The following SEH1L variants were observed in gnomAD, a reference collection of about 807,000 sequenced individuals.
The protein encoded by SEH1L is nucleoporin SEH1.
Under a neutral mutation model 49.5 loss-of-function variants are expected in SEH1L, and 18 were observed. That is an observed-to-expected ratio of 0.36 (90% CI 0.25 to 0.54). The LOEUF (loss-of-function observed/expected upper bound fraction) is 0.54. SEH1L is among the 20% of genes least tolerant of loss of function. The pLI is 0.87. For missense variants in SEH1L, 404 were observed against 528.8 expected, an observed-to-expected ratio of 0.76 and a Z score of 2.31; for synonymous variants, 169 against 178.1, an observed-to-expected ratio of 0.95 and a Z score of 0.41.
At chr18:12,969,083 G>A (rs1331874853) in intron 4 of SEH1L, among the ~76,000 whole-genome samples, 2 of 151,816 alleles carry the variant, frequency 1.3e-5, no homozygotes, top group Non-Finnish European at 2.9e-5. Flanking sequence ...GGTGGCACAT[G>A]CCTGTAATGC....
Position 12,978,900 on chromosome 18 carries a change from T to C in SEH1L, c.761+8T>C, listed in dbSNP as rs763906548. 7 of 1,612,558 alleles carry C rather than the reference T, an allele frequency of 4.3e-6. No individual in the cohort carries two copies. The South Asian group carries it at 7.7e-5, about 18-fold the overall frequency. Reference sequence around the variant, plus strand: ...TACATTAAAGCCTGTGAGGTGAGTTTTAGAAGCATTTATGAATTTGAAAAT... The same window carrying C: ...TACATTAAAGCCTGTGAGGTGAGTTCTAGAAGCATTTATGAATTTGAAAAT... On this transcript the variant is annotated splice_region_variant and intron_variant, in intron 6 of 8. Transcript: ENST00000399892.
intron 8 of SEH1L, chr18:12,984,935 C>T (rs998420718): frequency 8.2e-5 from 20 of 244,802 alleles, no homozygotes; most frequent in African/African-American, 4.3e-4. Flanking sequence ...TTTAAAATTT[C>T]AACTATTTTT....
intron 4 of SEH1L, among the ~76,000 whole-genome samples, chr18:12,967,845 T>G (rs1436190732): frequency 1.3e-5 from 2 of 150,902 alleles, no homozygotes; most frequent in Non-Finnish European, 2.9e-5. Flanking sequence ...ACTTCGGAGA[T>G]GAAGGTTGCA....
At chr18:12,986,155 G>A (rs1329366502) in intron 8 of SEH1L, 6 of 984,414 alleles carry the variant, frequency 6.1e-6, no homozygotes, top group East Asian at 1.1e-4. Context: ...AATTTAGTTC[G>A]CTGTTTAAAT....
chr18:12,972,653 A>T (rs1280354485), intron 5 of SEH1L: 1 of 152,254 alleles, frequency 6.6e-6, no homozygotes, highest in East Asian at 1.9e-4. Context: ...TGGGTTACCA[A>T]GGGGATCTTA....
chr18:12,955,605 A>C lies in SEH1L; in HGVS notation c.305A>C (p.His102Pro). ...ESNDKLRGQS[H>P]WVKRTTLVDS... ...AATGATAAACTGCGAGGACAGAGCC[A>C]CTGGGTGAGACATTTATTAGTATTC... The change falls in exon 3 of 9, where the codon CAC becomes CCC. Residue 102 changes from histidine to proline, a missense_variant. By Grantham distance (77) the His-to-Pro change is moderately conservative. Coordinates refer to ENST00000399892, the MANE Select transcript of SEH1L (RefSeq NM_001013437.2). The C allele has an allele frequency of 6.2e-7, 1 of 1,614,064 alleles. No homozygotes were observed. Among genetic ancestry groups the C allele is most frequent in the Non-Finnish European group, 8.5e-7 (1 of 1,179,958 alleles).
At chr18:12,974,870 C>G (rs2031851890) in intron 5 of SEH1L, among the ~76,000 whole-genome samples, 1 of 152,188 alleles carries the variant, frequency 6.6e-6, no homozygotes, top group South Asian at 2.1e-4. Context: ...GTCTAAGGTC[C>G]AGAGTCAGGA....
intron 1 of SEH1L, chr18:12,948,523 G>T: frequency 3.9e-6 from 1 of 258,568 alleles, no homozygotes; most frequent in Non-Finnish European, 7.3e-6. Context: ...GGCTGCGGGC[G>T]GGAACCCAGG....
At chr18:12,963,578 C>T (rs983579194) in intron 4 of SEH1L, among the ~76,000 whole-genome samples, 4 of 152,158 alleles carry the variant, frequency 2.6e-5, no homozygotes, top group Non-Finnish European at 5.9e-5. Flanking sequence ...TCATGTGAAC[C>T]TTTTGGATGT....
rs113225357 is a variant in SEH1L at position 12,982,752 on chromosome 18, A to G, written c.919+77A>G. ...TTTTACTTAAAATGTAAACTCTGAA[A>G]TATTTTTTGAAAATGGTCTTTTACA... is the stretch of plus-strand genomic sequence containing the variant. On this transcript the variant is annotated intron_variant, in intron 7 of 8. Coordinates refer to ENST00000399892, the MANE Select transcript of SEH1L (RefSeq NM_001013437.2). 1.3e-3 allele frequency: 1,529 copies of G among 1,184,994 alleles called. 9 individuals carry two copies. The highest frequency in any genetic ancestry group is 0.012 in the Middle Eastern group (61 of 4,912). The allele number at this position is 1,184,994 out of a possible 1,614,324, so 73.4% of individuals were successfully genotyped here.
rs1319519512 is a variant in SEH1L, at chr18:12,986,713, T to C, written c.1071-149T>C. ...CTATTATGTTCTGTTAGTTTTGGCA[T>C]GAATATACTAAAGCTTTTTTTTTTT... On this transcript the variant is annotated intron_variant, in intron 8 of 8. Coordinates refer to ENST00000399892, the MANE Select transcript of SEH1L (RefSeq NM_001013437.2). 7 of 1,298,508 alleles carry C rather than the reference T, an allele frequency of 5.4e-6. No individual in the cohort carries two copies. In the African/African-American group the frequency reaches 1.1e-4, roughly 20 times the overall value. The allele number at this position is 1,298,508 out of a possible 1,614,324, so 80.4% of individuals were successfully genotyped here. A position where few individuals can be genotyped will look rare whatever the true frequency, so the allele number is the denominator to read the frequency against.
intron 1 of SEH1L, among the ~76,000 whole-genome samples, chr18:12,951,258 C>A (rs1465932793): frequency 1.3e-5 from 2 of 152,152 alleles, no homozygotes; most frequent in Non-Finnish European, 2.9e-5. Flanking sequence ...ATTATTTGTT[C>A]TTTCTGTTGG....
intron 3 of SEH1L, among the ~76,000 whole-genome samples, chr18:12,958,321 A>G (rs1235845644): frequency 6.6e-6 from 1 of 151,844 alleles, no homozygotes; most frequent in Non-Finnish European, 1.5e-5. Context: ...CCTGATCTCA[A>G]ATGATTCTCC....
rs1474684525 is a variant in SEH1L, at chr18:12,980,896, A to ACGGGGCGGCTGGCCGGG, written c.762-1616_762-1600dup. 1.3e-3 allele frequency among the ~76,000 whole-genome samples: 179 copies of ACGGGGCGGCTGGCCGGG among 133,412 alleles called. 1 individual carries two copies. Among genetic ancestry groups the ACGGGGCGGCTGGCCGGG allele is most frequent in the African/African-American group, 4.9e-3 (169 of 34,672 alleles). 87.5% of individuals were successfully genotyped at this position (133,412 alleles called of 152,430 possible). A position where few individuals can be genotyped will look rare whatever the true frequency, so the allele number is the denominator to read the frequency against. On this transcript the variant is annotated intron_variant, in intron 6 of 8. Transcript: ENST00000399892. ...CTGACCCCCCCCACCTCCCTTCCGG[A>ACGGGGCGGCTGGCCGGG]CGGGGCGGCTGGCCGGGCGGGGGGC...
chr18:12,979,740 C>T lies in SEH1L; in HGVS notation c.761+848C>T, dbSNP rs796171550. On this transcript the variant is annotated intron_variant, in intron 6 of 8. Transcript: ENST00000399892. Reference sequence around the variant, plus strand: ...CTCCCGGACGGGGCGGCTGGCCGGGCGGGGGGCTGACCCCCCCACCTCCCT... The same window carrying T: ...CTCCCGGACGGGGCGGCTGGCCGGGTGGGGGGCTGACCCCCCCACCTCCCT... Among the ~76,000 whole-genome samples, 301 of 140,310 alleles carry T rather than the reference C, an allele frequency of 2.1e-3. 2 individuals are homozygous for T. Among genetic ancestry groups the T allele is most frequent in the South Asian group, 0.02 (87 of 4,308 alleles). 92.0% of individuals were successfully genotyped at this position (140,310 alleles called of 152,430 possible). A position where few individuals can be genotyped will look rare whatever the true frequency, so the allele number is the denominator to read the frequency against.
intron 5 of SEH1L, 179 bp from the exon 6 acceptor site, chr18:12,978,573 A>T: frequency 2.0e-6 from 1 of 493,656 alleles, no homozygotes; most frequent in Non-Finnish European, 3.6e-6. Context: ...ATAAGGTCAC[A>T]TTCACAGGGT....
chr18:12,951,925 T>C lies in SEH1L; in HGVS notation c.162+20T>C. The C allele has an allele frequency of 1.5e-6, 2 of 1,364,050 alleles. No individual in the cohort carries two copies. Among genetic ancestry groups the C allele is most frequent in the Non-Finnish European group, 2.0e-6 (2 of 985,252 alleles). 84.5% of individuals were successfully genotyped at this position (1,364,050 alleles called of 1,614,324 possible). On this transcript the variant is annotated intron_variant, in intron 2 of 8. Coordinates refer to ENST00000399892, the MANE Select transcript of SEH1L (RefSeq NM_001013437.2). ...TGGAAGGTTAGTATTTATTTTTACA[T>C]TTATTAAAAATACAGAAATATTTAC...
At chr18:12,948,371 TGAGCGGAAGCCC>T in intron 1 of SEH1L, 139 bp downstream of exon 1, 1 of 621,044 alleles carries the variant, frequency 1.6e-6, no homozygotes, top group South Asian at 2.0e-5. Flanking sequence ...CTGGCTGGAC[TGAGCGGAAGCCC>T]TCCCCGCCCG....
At position 12,963,211 on chromosome 18, in the gene SEH1L, T is replaced by G; in HGVS notation, c.361T>G (p.Phe121Val). The G allele has an allele frequency of 1.9e-6, 3 of 1,614,126 alleles. No homozygotes were observed. Among genetic ancestry groups the G allele is most frequent in the Non-Finnish European group, 2.5e-6 (3 of 1,180,006 alleles). ...CAGAACATCTGTTACTGATGTGAAG[T>G]TTGCTCCCAAGCACATGGGTCTTAT... ...DSRTSVTDVK[F>V]APKHMGLMLA... The change falls in exon 4 of 9, where the codon TTT becomes GTT. Residue 121 changes from phenylalanine to valine, a missense_variant. Physicochemically the swap from Phe to Val is conservative, Grantham distance 50. Coordinates refer to ENST00000399892, the MANE Select transcript of SEH1L (RefSeq NM_001013437.2).
Sources: gnomAD v4.1 joint callset for allele counts (sites outside exome capture counted in the v4.1 genomes callset) on GRCh38, gnomAD v4.1.1 for gene constraint, MANE v1.5 for transcripts, NCBI Gene and HGNC (gene_info 2026-07-23, HGNC 2026-07-21) for gene names.